Variants in LYPLA1 observed in about 807,000 individuals in gnomAD.
LYPLA1 encodes the protein lysophospholipase 1.
A neutral mutation model predicts 34.0 loss-of-function variants in LYPLA1; 17 were observed. The observed-to-expected ratio is 0.50, with a 90% CI of 0.34 to 0.75. The LOEUF is 0.75. Among genes scored for constraint, LYPLA1 ranks in the 30% least tolerant of loss-of-function variants. The pLI is 0.01. For synonymous variants in LYPLA1, 98 were observed against 100.8 expected, an observed-to-expected ratio of 0.97 and a Z score of 0.17; for missense variants, 203 against 288.8, an observed-to-expected ratio of 0.70 and a Z score of 2.15.
At chr8:54,081,998 G>C (rs545928477) in intron 2 of LYPLA1, among the ~76,000 whole-genome samples, 2 of 152,276 alleles carry the variant, frequency 1.3e-5, no homozygotes, top group Admixed American at 1.3e-4. Flanking sequence ...CCAAAGTGCT[G>C]AGATTACAGG....
chr8:54,048,937 T>C (rs953620593), intron 8 of LYPLA1, among the ~76,000 whole-genome samples: 4 of 152,220 alleles, frequency 2.6e-5, no homozygotes, highest in Non-Finnish European at 4.4e-5. Context: ...TGTAGACTCA[T>C]CTATAGAGCT....
intron 2 of LYPLA1, among the ~76,000 whole-genome samples, chr8:54,069,273 G>A (rs989342965): frequency 2.6e-5 from 4 of 152,148 alleles, no homozygotes; most frequent in South Asian, 2.1e-4. Flanking sequence ...GCAAAGAAAC[G>A]ATAAATGTTT....
intron 5 of LYPLA1, among the ~76,000 whole-genome samples, chr8:54,056,358 G>C (rs1013236989): frequency 3.3e-5 from 5 of 152,048 alleles, no homozygotes; most frequent in Admixed American, 3.3e-4. Flanking sequence ...AAAAAATTGG[G>C]GAAAATCTCC....
chr8:54,065,936 T>TG (rs1478992217), intron 2 of LYPLA1, 123 bp from the exon 3 acceptor site: 4 of 693,918 alleles, frequency 5.8e-6, no homozygotes, highest in Non-Finnish European at 7.7e-6. Flanking sequence ...TATGGTTTTT[T>TG]TTTGTTTGTT....
At position 54,099,126 on chromosome 8, in the gene LYPLA1, T is replaced by G. The variant is rs573268674; in HGVS notation, c.101+1782A>C. Among the ~76,000 whole-genome samples, 7 of 111,742 alleles carry G rather than the reference T, an allele frequency of 6.3e-5. 1 individual carries two copies. The highest frequency in any genetic ancestry group is 5.5e-4 in the Admixed American group (7 of 12,664). 73.3% of individuals were successfully genotyped at this position (111,742 alleles called of 152,430 possible). On this transcript the variant is annotated intron_variant, in intron 2 of 8. Transcript: ENST00000316963. ...TCTGTGGAATCTGCCTAGACTGAAG[T>G]TTTTTTTTTTTTGCTTGAACTAATC...
chr8:54,045,713 A>C (rs767136990), downstream of LYPLA1: 1 of 152,170 alleles, frequency 6.6e-6, no homozygotes, highest in Non-Finnish European at 1.5e-5. Flanking sequence ...AAGGAGAAAA[A>C]CTACTTGGAT....
intron 2 of LYPLA1, among the ~76,000 whole-genome samples, chr8:54,091,101 C>A (rs1809212611): frequency 6.6e-6 from 1 of 152,186 alleles, no homozygotes; most frequent in African/African-American, 2.4e-5. Context: ...AACTCCTAGG[C>A]TCAAGCCATC....
At chr8:54,085,820 GC>G (rs1373559079) in intron 2 of LYPLA1, among the ~76,000 whole-genome samples, 2 of 138,414 alleles carry the variant, frequency 1.4e-5, no homozygotes, top group East Asian at 4.2e-4. Flanking sequence ...GGGGGGGGCA[GC>G]CCCCGGCCGG....
chr8:54,092,339 AAGGAGGAAGAGG>A (rs1391629665), intron 2 of LYPLA1, among the ~76,000 whole-genome samples: 3 of 151,398 alleles, frequency 2.0e-5, no homozygotes, highest in African/African-American at 7.3e-5. Flanking sequence ...ACAGAGAGAG[AAGGAGGAAGAGG>A]AGGAGAAGGA....
intron 2 of LYPLA1, among the ~76,000 whole-genome samples, chr8:54,066,878 A>G (rs1174043817): frequency 6.6e-6 from 1 of 152,224 alleles, no homozygotes; most frequent in East Asian, 1.9e-4. Context: ...ACACTATTTA[A>G]AAACAGTAAC....
chr8:54,063,049 G>A (rs1806777283), intron 4 of LYPLA1, among the ~76,000 whole-genome samples: 3 of 152,118 alleles, frequency 2.0e-5, no homozygotes, highest in Admixed American at 6.6e-5. Context: ...GGGGTCATTC[G>A]AATGTTGGGT....
chr8:54,051,267 A>C (rs1805825169), intron 7 of LYPLA1, 79 bp from the exon 8 acceptor site: 1 of 1,183,210 alleles, frequency 8.5e-7, no homozygotes, highest in East Asian at 2.6e-5. Flanking sequence ...AATTGTACAT[A>C]AATATGCATA....
chr8:54,090,456 G>GTACTTCTACATACAAATGTACTA (rs1809143653), intron 2 of LYPLA1, among the ~76,000 whole-genome samples: 1 of 152,260 alleles, frequency 6.6e-6, no homozygotes, highest in Non-Finnish European at 1.5e-5. Flanking sequence ...TCTGTATACT[G>GTACTTCTACATACAAATGTACTA]TACTTCTACA....
intron 2 of LYPLA1, among the ~76,000 whole-genome samples, chr8:54,089,976 G>A (rs1482694354): frequency 6.6e-6 from 1 of 152,202 alleles, no homozygotes; most frequent in African/African-American, 2.4e-5. Context: ...TAAAGACAAT[G>A]CCAGGTTGGA....
At position 54,063,358 on chromosome 8, in the gene LYPLA1, G is replaced by C. The variant is rs755633782; in HGVS notation, c.185C>G (p.Thr62Arg). Residue 62 changes from threonine (T) to arginine (R), a missense_variant, in exon 4 of 9, where the codon ACA becomes AGA. By Grantham distance (71) the Thr-to-Arg change is moderately conservative. Transcript: ENST00000316963. ...AGGCATAGCCACGTTCATATTTAATGTAACAGGCCTAACAGGCCTACATGG... is the reference window on the plus strand; with the variant it reads ...AGGCATAGCCACGTTCATATTTAATCTAACAGGCCTAACAGGCCTACATGG... Reference protein sequence around the residue: ...ICPHAPVRPVTLNMNVAMPSW... With the variant: ...ICPHAPVRPVRLNMNVAMPSW... The C allele has an allele frequency of 9.1e-6, 14 of 1,539,806 alleles. No homozygotes were observed. Among genetic ancestry groups the C allele is most frequent in the Non-Finnish European group, 1.1e-5 (12 of 1,140,986 alleles).
chr8:54,071,969 T>C (rs1285150429), intron 2 of LYPLA1, among the ~76,000 whole-genome samples: 1 of 152,198 alleles, frequency 6.6e-6, no homozygotes, highest in African/African-American at 2.4e-5. Context: ...GGCATCATGT[T>C]ACTGGACTTC....
chr8:54,081,971 C>T (rs1446958433), intron 2 of LYPLA1, among the ~76,000 whole-genome samples: 1 of 152,118 alleles, frequency 6.6e-6, no homozygotes, highest in Non-Finnish European at 1.5e-5. Context: ...CTCAGGTGAT[C>T]CGCCCGCCTC....
chr8:54,087,309 G>A (rs531632725), intron 2 of LYPLA1, among the ~76,000 whole-genome samples: 1 of 152,296 alleles, frequency 6.6e-6, no homozygotes, highest in East Asian at 1.9e-4. Flanking sequence ...TAAAATACTT[G>A]GAGGAATAAT....
At chr8:54,093,972 A>T (rs185574054) in intron 2 of LYPLA1, among the ~76,000 whole-genome samples, 1 of 152,198 alleles carries the variant, frequency 6.6e-6, no homozygotes, top group Non-Finnish European at 1.5e-5. Context: ...ATGATCTCCA[A>T]ATCACATTCT....
Sources: gnomAD v4.1 joint callset for allele counts (sites outside exome capture counted in the v4.1 genomes callset) on GRCh38, gnomAD v4.1.1 for gene constraint, MANE v1.5 for transcripts, NCBI Gene and HGNC (gene_info 2026-07-23, HGNC 2026-07-21) for gene names.